The following HOMEZ variants were observed in gnomAD, a reference collection of about 807,000 sequenced individuals.
HOMEZ encodes homeobox and leucine zipper protein Homez.
HOMEZ carries 20 observed loss-of-function variants against 50.1 expected under a neutral mutation model. The observed-to-expected ratio is 0.40, with a 90% confidence interval of 0.28 to 0.58. The LOEUF is 0.58. Among genes scored for constraint, HOMEZ ranks in the 20% least tolerant of loss-of-function variants. The pLI, the probability that HOMEZ is intolerant of heterozygous loss-of-function variation, is 0.46. For synonymous variants in HOMEZ, 239 were observed against 254.7 expected, an observed-to-expected ratio of 0.94 and a Z score of 0.59; for missense variants, 579 against 680.5, an observed-to-expected ratio of 0.85 and a Z score of 1.66.
rs1886364968 is a variant in HOMEZ at position 23,276,530 on chromosome 14, G to A, written c.698C>T (p.Ala233Val). The A allele has an allele frequency of 6.2e-7, 1 of 1,614,072 alleles. No homozygotes were observed. Among genetic ancestry groups the A allele is most frequent in the East Asian group, 2.2e-5 (1 of 44,892 alleles). Residue 233 changes from alanine (A) to valine (V), a missense_variant, in exon 2 of 2, where the codon GCA becomes GTA. Transcript: ENST00000357460. The surrounding 1 kb of genome is among the most constrained non-coding windows in gnomAD (Gnocchi z 4.1). ...LQSSGLSKEQ[A>V]GRGPNQSHGI... ...ATGTGACTGGTTGGGACCCCTGCCT[G>A]CCTGCTCCTTTGAGAGGCCACTGCT...
chr14:23,282,951 G>A (rs140145818), intron 1 of HOMEZ, among the ~76,000 whole-genome samples: 18 of 152,314 alleles, frequency 1.2e-4, no homozygotes, highest in African/African-American at 3.4e-4. Flanking sequence ...GGAAGAATCT[G>A]GCTTTGAACT....
chr14:23,275,728 G>A lies in HOMEZ; in HGVS notation c.1500C>T (p.Asp500=), dbSNP rs376322220. Reference sequence around the variant, plus strand: ...CCTCAGCTGGCTGAGGTAATCGAGAGTCAAACCAATCCAGCACCTGCTGGG... The same window carrying A: ...CCTCAGCTGGCTGAGGTAATCGAGAATCAAACCAATCCAGCACCTGCTGGG... ...LSTQQVLDWF[D]SRLPQPAEVV... is the part of the protein sequence containing the mutation. Residue 500 remains aspartate, a synonymous_variant, in exon 2 of 2, where the codon GAC becomes GAT. Transcript: ENST00000357460. 9 of 1,612,554 alleles carry A rather than the reference G, an allele frequency of 5.6e-6. No individual in the cohort carries two copies. In the African/African-American group the frequency reaches 9.4e-5, roughly 17 times the overall value.
Position 23,275,334 on chromosome 14 carries a change from A to G in HOMEZ, c.*241T>C. On this transcript the variant is annotated 3_prime_UTR_variant, in exon 2 of 2. Coordinates refer to ENST00000357460, the MANE Select transcript of HOMEZ (RefSeq NM_020834.3). Reference sequence around the variant, plus strand: ...CCCATGGTTTCCCCAGATCCTTAGCACTCCCTACCCTAAGGTTAGAGGGTT... The same window carrying G: ...CCCATGGTTTCCCCAGATCCTTAGCGCTCCCTACCCTAAGGTTAGAGGGTT... 1.9e-6 allele frequency: 1 copy of G among 527,872 alleles called. No individual in the cohort carries two copies. The allele number at this position is 527,872 out of a possible 1,614,324, so 32.7% of individuals were successfully genotyped here.
In HOMEZ at chr14:23,286,084, C is replaced by G; in HGVS notation, c.-132G>C. 2 of 1,230,448 alleles carry G rather than the reference C, an allele frequency of 1.6e-6. No homozygotes were observed. The highest frequency in any genetic ancestry group is 2.0e-6 in the Non-Finnish European group (2 of 987,082). The allele number at this position is 1,230,448 out of a possible 1,614,324, so 76.2% of individuals were successfully genotyped here. On this transcript the variant is annotated 5_prime_UTR_variant, in exon 1 of 2. Transcript: ENST00000357460. ...CTGCCCCCCCCACCGTCCCCGGGAG[C>G]GCGCCGGTCTACCCAGCCCTGCTCG...
In HOMEZ at chr14:23,275,471, G is replaced by C. The variant is rs760889573; in HGVS notation, c.*104C>G. 2.8e-6 allele frequency: 4 copies of C among 1,425,120 alleles called. No homozygotes were observed. The Admixed American group carries it at 1.1e-4, about 39-fold the overall frequency. 88.3% of individuals were successfully genotyped at this position (1,425,120 alleles called of 1,614,324 possible). On this transcript the variant is annotated 3_prime_UTR_variant, in exon 2 of 2. Transcript: ENST00000357460. ...ACCCTGAAGAACACAAAGCTTTTTA[G>C]TTCTCTGCCACAAGGTAATTTTAAA...
intron 1 of HOMEZ, among the ~76,000 whole-genome samples, chr14:23,277,864 C>CT (rs1448847785): frequency 6.6e-6 from 1 of 151,888 alleles, no homozygotes; most frequent in African/African-American, 2.4e-5. Context: ...GAGTCTCACT[C>CT]TCTCGCCCAG....
intron 1 of HOMEZ, among the ~76,000 whole-genome samples, chr14:23,280,715 A>AT (rs1164259694): frequency 6.7e-5 from 4 of 60,080 alleles, no homozygotes; most frequent in Non-Finnish European, 9.5e-5. Flanking sequence ...TTTTATTTTT[A>AT]TTTTATTTTA....
chr14:23,281,240 G>A (rs1011372803), intron 1 of HOMEZ, among the ~76,000 whole-genome samples: 2 of 152,230 alleles, frequency 1.3e-5, no homozygotes, highest in East Asian at 1.9e-4. Flanking sequence ...ATTTTAATAC[G>A]TGTCACCATT....
intron 1 of HOMEZ, among the ~76,000 whole-genome samples, chr14:23,282,939 C>T (rs1388070760): frequency 2.0e-5 from 3 of 152,208 alleles, no homozygotes; most frequent in Non-Finnish European, 4.4e-5. Context: ...TGGTACTTCC[C>T]TGGAAGAATC....
chr14:23,280,759 T>TTTTATTTTA, intron 1 of HOMEZ, among the ~76,000 whole-genome samples: 1 of 89,844 alleles, frequency 1.1e-5, no homozygotes, highest in Non-Finnish European at 2.5e-5. Context: ...TTTTATTTTA[T>TTTTATTTTA]TTTATTTTAT....
In HOMEZ at chr14:23,278,120, C is replaced by G. The variant is rs561482262; in HGVS notation, c.41-933G>C. 1.5e-4 allele frequency among the ~76,000 whole-genome samples: 23 copies of G among 151,066 alleles called. No individual in the cohort carries two copies. The East Asian group carries it at 2.2e-3, about 14-fold the overall frequency. On this transcript the variant is annotated intron_variant, in intron 1 of 1. Coordinates refer to ENST00000357460, the MANE Select transcript of HOMEZ (RefSeq NM_020834.3). ...GAATTACAGGCATGAGTCACCACAC[C>G]CAGCTGGTGGGTTGTTTTTTTTTAA...
Position 23,274,393 on chromosome 14 carries a change from A to G in HOMEZ, c.*1182T>C, listed in dbSNP as rs1251105262. ...CACTGCCCTTCAACAAGGAGAAACT[A>G]TTCCCTCTCTTTCACCCCTTTGTAA... On this transcript the variant is annotated 3_prime_UTR_variant, in exon 2 of 2. Coordinates refer to ENST00000357460, the MANE Select transcript of HOMEZ (RefSeq NM_020834.3). 6.6e-6 allele frequency: 1 copy of G among 152,658 alleles called. No individual in the cohort carries two copies. The highest frequency in any genetic ancestry group is 1.9e-4 in the East Asian group (1 of 5,204). 9.5% of individuals were successfully genotyped at this position (152,658 alleles called of 1,614,324 possible). A position where few individuals can be genotyped will look rare whatever the true frequency, so the allele number is the denominator to read the frequency against.
At chr14:23,281,325 A>T (rs1421415991) in intron 1 of HOMEZ, among the ~76,000 whole-genome samples, 2 of 152,154 alleles carry the variant, frequency 1.3e-5, no homozygotes, top group African/African-American at 4.8e-5. Flanking sequence ...GAGCCCCTTA[A>T]GAGGGTCAAT....
chr14:23,276,144 G>A lies in HOMEZ; in HGVS notation c.1084C>T (p.Arg362Cys), dbSNP rs748858756. ...ATAGCCAGCTGCTCTTTGGTTTTGCGCTTGGTCTTTCGCTGGCGTTGCATA... is the reference window on the plus strand; with the variant it reads ...ATAGCCAGCTGCTCTTTGGTTTTGCACTTGGTCTTTCGCTGGCGTTGCATA... ...PDMQRQRKTK[R>C]KTKEQLAILK... is the part of the protein sequence containing the mutation. Residue 362 changes from arginine to cysteine, a missense_variant, in exon 2 of 2, where the codon CGC becomes TGC. Transcript: ENST00000357460. The surrounding 1 kb of genome is among the most constrained non-coding windows in gnomAD (Gnocchi z 4.1). 10 of 1,613,822 alleles carry A rather than the reference G, an allele frequency of 6.2e-6. No individual in the cohort carries two copies. Among genetic ancestry groups the A allele is most frequent in the East Asian group, 2.2e-5 (1 of 44,900 alleles).
In HOMEZ at chr14:23,281,224, A is replaced by C. The variant is rs572408061; in HGVS notation, c.41-4037T>G. ...TTTTACACCATGATTTTTAAAATTC[A>C]GAAGCATTTTAATACGTGTCACCAT... On this transcript the variant is annotated intron_variant, in intron 1 of 1. Coordinates refer to ENST00000357460, the MANE Select transcript of HOMEZ (RefSeq NM_020834.3). Among the ~76,000 whole-genome samples, 12 of 152,330 alleles carry C rather than the reference A, an allele frequency of 7.9e-5. No homozygotes were observed. In the East Asian group the frequency reaches 2.3e-3, roughly 29 times the overall value.
At position 23,280,711 on chromosome 14, in the gene HOMEZ, T is replaced by TCA. The variant is rs1555323554; in HGVS notation, c.41-3525_41-3524insTG. ...TTTATTTTTATTTTTATATTTTTAT[T>TCA]TTTATTTTATTTTATTTTATTTTAT... On this transcript the variant is annotated intron_variant, in intron 1 of 1. Coordinates refer to ENST00000357460, the MANE Select transcript of HOMEZ (RefSeq NM_020834.3). Among the ~76,000 whole-genome samples, 10 of 34,358 alleles carry TCA rather than the reference T, an allele frequency of 2.9e-4. 1 individual carries two copies. Among genetic ancestry groups the TCA allele is most frequent in the Non-Finnish European group, 6.5e-4 (10 of 15,332 alleles). The allele number at this position is 34,358 out of a possible 152,430, so 22.5% of individuals were successfully genotyped here. A position where few individuals can be genotyped will look rare whatever the true frequency, so the allele number is the denominator to read the frequency against.
chr14:23,280,548 G>T (rs1886466853), intron 1 of HOMEZ, among the ~76,000 whole-genome samples: 1 of 151,898 alleles, frequency 6.6e-6, no homozygotes, highest in Non-Finnish European at 1.5e-5. Flanking sequence ...TGACTGTGCT[G>T]CTTTCCTGAA....
intron 1 of HOMEZ, among the ~76,000 whole-genome samples, chr14:23,282,600 T>C (rs1566451987): frequency 6.6e-6 from 1 of 151,840 alleles, no homozygotes; most frequent in Non-Finnish European, 1.5e-5. Flanking sequence ...TGTCCTATTA[T>C]ATAAAGACAC....
chr14:23,280,779 T>TTTTATTTTATTTTATTTTA (rs1566451352), intron 1 of HOMEZ, among the ~76,000 whole-genome samples: 3 of 132,036 alleles, frequency 2.3e-5, no homozygotes, highest in South Asian at 2.5e-4. Context: ...TTTTATTTTA[T>TTTTATTTTATTTTATTTTA]TTTATTTTAT....
Sources: allele counts gnomAD v4.1 joint callset (sites outside exome capture counted in the v4.1 genomes callset), GRCh38; gene constraint gnomAD v4.1.1; non-coding constraint Gnocchi (gnomAD v3.1); transcripts MANE v1.5; gene names NCBI Gene and HGNC (gene_info 2026-07-23, HGNC 2026-07-21).